The following GALNT12 variants were observed in gnomAD, a reference collection of about 807,000 sequenced individuals.
GALNT12 encodes the protein polypeptide N-acetylgalactosaminyltransferase 12.
A neutral mutation model predicts 55.5 loss-of-function variants in GALNT12; 45 were observed. The ratio of observed to expected loss-of-function variants is 0.81; its 90% CI spans 0.64 to 1.04. The LOEUF (loss-of-function observed/expected upper bound fraction) is 1.04. Among genes scored for constraint, GALNT12 ranks in the 50% least tolerant of loss-of-function variants. The pLI is 0.00. For synonymous variants in GALNT12, 304 were observed against 312.2 expected, an observed-to-expected ratio of 0.97 and a Z score of 0.28; for missense variants, 709 against 754.8, an observed-to-expected ratio of 0.94 and a Z score of 0.71.
chr9:98,810,375 G>A (rs889409708), intron 1 of GALNT12, among the ~76,000 whole-genome samples: 3 of 152,092 alleles, frequency 2.0e-5, no homozygotes, highest in Admixed American at 6.6e-5. Flanking sequence ...TCTGTTACTC[G>A]TTCCTCCCTT....
intron 3 of GALNT12, among the ~76,000 whole-genome samples, chr9:98,829,543 G>T (rs964804747): frequency 1.3e-5 from 2 of 151,162 alleles, no homozygotes; most frequent in Non-Finnish European, 2.9e-5. Flanking sequence ...TAGTCACTCT[G>T]TTGTGCTAGC....
chr9:98,846,261 C>A, intron 9 of GALNT12, 138 bp downstream of exon 9: 1 of 1,151,770 alleles, frequency 8.7e-7, no homozygotes, highest in South Asian at 1.3e-5. Context: ...TCTGGAAGAC[C>A]TGGAACCTCA....
At chr9:98,813,320 T>G (rs1835532902) in intron 1 of GALNT12, among the ~76,000 whole-genome samples, 1 of 152,264 alleles carries the variant, frequency 6.6e-6, no homozygotes, top group Admixed American at 6.5e-5. Flanking sequence ...GACCCAGATC[T>G]CTCTGTCATT....
At chr9:98,818,049 A>G (rs1418868233) in intron 1 of GALNT12, among the ~76,000 whole-genome samples, 2 of 152,120 alleles carry the variant, frequency 1.3e-5, no homozygotes, top group Admixed American at 1.3e-4. Context: ...CTCTTTCTGT[A>G]TGTCTACTAT....
Position 98,807,775 on chromosome 9 carries a change from C to T in GALNT12, c.77C>T (p.Ala26Val), listed in dbSNP as rs2118255514. The change falls in exon 1 of 10, where the codon GCG becomes GTG. Residue 26 changes from alanine to valine, a missense_variant. Ala to Val is a moderately conservative substitution (Grantham distance 64). Transcript: ENST00000375011. ...CGGGAGGCGCTGTTGGTGCTCCTGG[C>T]GCTACTGGCGTTGGCCGGGCTGGGC... The part of the protein sequence containing the change: ...RGREALLVLL[A>V]LLALAGLGSV... 8.6e-7 allele frequency: 1 copy of T among 1,157,724 alleles called. No individual in the cohort carries two copies. Among genetic ancestry groups the T allele is most frequent in the Non-Finnish European group, 1.1e-6 (1 of 937,140 alleles). The allele number at this position is 1,157,724 out of a possible 1,614,324, so 71.7% of individuals were successfully genotyped here.
intron 8 of GALNT12, among the ~76,000 whole-genome samples, chr9:98,845,334 T>A (rs79774853): frequency 0.035 from 5,260 of 152,144 alleles, 107 homozygotes; most frequent in African/African-American, 0.06. Flanking sequence ...TGGGTGGGTG[T>A]CTTGTCAAAG....
chr9:98,812,086 T>C (rs1287796198), intron 1 of GALNT12, among the ~76,000 whole-genome samples: 1 of 152,208 alleles, frequency 6.6e-6, no homozygotes, highest in Non-Finnish European at 1.5e-5. Flanking sequence ...CCCAACAAAG[T>C]TGTGGATATT....
At chr9:98,839,325 T>C (rs979097992) in intron 6 of GALNT12, among the ~76,000 whole-genome samples, 1 of 152,250 alleles carries the variant, frequency 6.6e-6, no homozygotes, top group African/African-American at 2.4e-5. Context: ...ATTTAACTTG[T>C]CAGCTTTTAA....
chr9:98,821,436 A>G (rs1391944996), intron 1 of GALNT12, among the ~76,000 whole-genome samples: 2 of 151,812 alleles, frequency 1.3e-5, no homozygotes, highest in African/African-American at 4.8e-5. Flanking sequence ...CCTGGCTAAC[A>G]TGGTGAAACA....
In GALNT12 at chr9:98,835,198, G is replaced by A. The variant is rs763961103; in HGVS notation, c.918-51G>A. ...GTGGTGGGAAGGTAGTTGGATAACT[G>A]TGATGGTTTTCTGCTGTCTACAGTG... On this transcript the variant is annotated intron_variant, in intron 4 of 9. Transcript: ENST00000375011. 1.4e-5 allele frequency: 17 copies of A among 1,244,974 alleles called. No individual in the cohort carries two copies. The South Asian group carries it at 2.0e-4, about 15-fold the overall frequency. 77.1% of individuals were successfully genotyped at this position (1,244,974 alleles called of 1,614,324 possible). A position where few individuals can be genotyped will look rare whatever the true frequency, so the allele number is the denominator to read the frequency against.
chr9:98,828,108 A>G (rs563979549), intron 3 of GALNT12, among the ~76,000 whole-genome samples: 4 of 152,326 alleles, frequency 2.6e-5, no homozygotes, highest in Non-Finnish European at 4.4e-5. Flanking sequence ...GCTGTGGAGC[A>G]GGCAAAGGGC....
At chr9:98,828,451 C>A (rs367813624) in intron 3 of GALNT12, among the ~76,000 whole-genome samples, 2 of 152,098 alleles carry the variant, frequency 1.3e-5, no homozygotes, top group African/African-American at 2.4e-5. Flanking sequence ...TTCGTTCCCC[C>A]ACTGCACTCA....
intron 8 of GALNT12, 178 bp downstream of exon 8, chr9:98,844,387 C>T (rs976063963): frequency 4.4e-5 from 27 of 614,208 alleles, no homozygotes; most frequent in Non-Finnish European, 6.4e-5. Flanking sequence ...TCATTTTTTA[C>T]ACATAACACA....
intron 2 of GALNT12, among the ~76,000 whole-genome samples, chr9:98,825,089 T>C (rs1473068244): frequency 6.6e-6 from 1 of 152,208 alleles, no homozygotes; most frequent in Non-Finnish European, 1.5e-5. Flanking sequence ...TTGAATGAGA[T>C]GAGGAGGGTA....
At chr9:98,816,576 C>T (rs1332486347) in intron 1 of GALNT12, among the ~76,000 whole-genome samples, 1 of 151,862 alleles carries the variant, frequency 6.6e-6, no homozygotes, top group African/African-American at 2.4e-5. Context: ...AAAGTTTTAG[C>T]AGCATCTTAA....
At chr9:98,842,459 G>A (rs1200166773) in intron 7 of GALNT12, among the ~76,000 whole-genome samples, 1 of 152,122 alleles carries the variant, frequency 6.6e-6, no homozygotes, top group African/African-American at 2.4e-5. Flanking sequence ...AAAGTGCTGG[G>A]ATTACAGGTA....
At chr9:98,811,752 G>T (rs985638538) in intron 1 of GALNT12, among the ~76,000 whole-genome samples, 12 of 140,998 alleles carry the variant, frequency 8.5e-5, no homozygotes, top group African/African-American at 2.9e-4. Context: ...GTGCGATCTT[G>T]GCTCACTGCA....
At chr9:98,847,436 C>T (rs1836446980) in intron 9 of GALNT12, 1 of 152,170 alleles carries the variant, frequency 6.6e-6, no homozygotes, top group Non-Finnish European at 1.5e-5. Context: ...TCCTCCTCTT[C>T]CCATCTTTCT....
rs1253046753 is a variant in GALNT12, at chr9:98,849,964, A to C, written c.*872A>C. On this transcript the variant is annotated 3_prime_UTR_variant, in exon 10 of 10. Coordinates refer to ENST00000375011, the MANE Select transcript of GALNT12 (RefSeq NM_024642.5). ...TCAGCGTTAGAGTTTGTGCTGCTGCAACTGCTGTGAAAATTTCTCTGAGTA... is the reference window on the plus strand; with the variant it reads ...TCAGCGTTAGAGTTTGTGCTGCTGCCACTGCTGTGAAAATTTCTCTGAGTA... 1 of 217,796 alleles carries C rather than the reference A, an allele frequency of 4.6e-6. No homozygotes were observed. Among genetic ancestry groups the C allele is most frequent in the Non-Finnish European group, 9.2e-6 (1 of 108,820 alleles). The allele number at this position is 217,796 out of a possible 1,614,324, so 13.5% of individuals were successfully genotyped here. A position where few individuals can be genotyped will look rare whatever the true frequency, so the allele number is the denominator to read the frequency against.
Sources: allele counts gnomAD v4.1 joint callset (sites outside exome capture counted in the v4.1 genomes callset), GRCh38; gene constraint gnomAD v4.1.1; transcripts MANE v1.5; gene names NCBI Gene and HGNC (gene_info 2026-07-23, HGNC 2026-07-21).